The following ANKMY2 variants were observed in gnomAD, a reference collection of about 807,000 sequenced individuals.
ANKMY2 encodes the protein ankyrin repeat and MYND domain-containing protein 2.
In ANKMY2, 36 loss-of-function variants were observed where a neutral mutation model predicts 50.4. The observed-to-expected ratio is 0.71, with a 90% CI of 0.55 to 0.94. The LOEUF (loss-of-function observed/expected upper bound fraction) is 0.94. Ranked by LOEUF, ANKMY2 falls within the 40% of genes least tolerant of loss-of-function variation. The pLI is 0.00. For synonymous variants in ANKMY2, 187 were observed against 178.8 expected (o/e 1.05, Z -0.36); for missense variants, 565 against 524.0 (o/e 1.08, Z -0.76).
intron 4 of ANKMY2, among the ~76,000 whole-genome samples, chr7:16,621,883 C>T (rs1017058010): frequency 1.3e-5 from 2 of 151,866 alleles, no homozygotes; most frequent in Admixed American, 6.6e-5. Flanking sequence ...GCAGGAGAAT[C>T]GTTTGAACCC....
intron 2 of ANKMY2, among the ~76,000 whole-genome samples, chr7:16,633,313 T>C (rs1172904449): frequency 6.6e-6 from 1 of 152,086 alleles, no homozygotes; most frequent in Non-Finnish European, 1.5e-5. Flanking sequence ...TAAAATTTTT[T>C]ATTTCTGTTT....
At chr7:16,608,161 C>T (rs1366760216) in intron 7 of ANKMY2, among the ~76,000 whole-genome samples, 1 of 152,200 alleles carries the variant, frequency 6.6e-6, no homozygotes, top group African/African-American at 2.4e-5. Context: ...CAGACCTAGT[C>T]TGCCTACCTT....
chr7:16,603,574 C>A lies in ANKMY2; in HGVS notation c.1012-1065G>T, dbSNP rs1781105263. ...TGTATGCCAAGCACTGTGGTAGGCC[C>A]TTATACATATATTGTATTATTGGCC... On this transcript the variant is annotated intron_variant, in intron 8 of 9. Transcript: ENST00000306999. 4.0e-5 allele frequency: 19 copies of A among 470,736 alleles called. 1 individual carries two copies. Among genetic ancestry groups the A allele is most frequent in the South Asian group, 2.8e-4 (18 of 64,532 alleles). 29.2% of individuals were successfully genotyped at this position (470,736 alleles called of 1,614,324 possible). A position where few individuals can be genotyped will look rare whatever the true frequency, so the allele number is the denominator to read the frequency against.
At chr7:16,632,773 T>C (rs1444568777) in intron 2 of ANKMY2, among the ~76,000 whole-genome samples, 1 of 152,224 alleles carries the variant, frequency 6.6e-6, no homozygotes, top group African/African-American at 2.4e-5. Context: ...AGTATATATA[T>C]AGGATTTCTG....
At chr7:16,626,122 A>G (rs1334701217) in intron 3 of ANKMY2, among the ~76,000 whole-genome samples, 1 of 151,644 alleles carries the variant, frequency 6.6e-6, no homozygotes, top group Non-Finnish European at 1.5e-5. Flanking sequence ...CTGGCACCAC[A>G]GACGTGCGCC....
At chr7:16,629,656 T>C (rs1781552621) in intron 2 of ANKMY2, among the ~76,000 whole-genome samples, 2 of 152,198 alleles carry the variant, frequency 1.3e-5, no homozygotes. Context: ...TTAAGTGCTG[T>C]GGTAGATGGT....
At chr7:16,607,879 C>T (rs574263804) in intron 7 of ANKMY2, among the ~76,000 whole-genome samples, 25 of 143,658 alleles carry the variant, frequency 1.7e-4, no homozygotes, top group Non-Finnish European at 3.7e-4. Context: ...TTAGAAAAGC[C>T]AAAAAAAAAA....
chr7:16,636,765 A>C (rs1394414908), intron 1 of ANKMY2, among the ~76,000 whole-genome samples: 1 of 145,102 alleles, frequency 6.9e-6, no homozygotes, highest in African/African-American at 2.9e-5. Context: ...CTTAATACTG[A>C]AAAAAAATCT....
chr7:16,644,100 A>G (rs920101237), intron 1 of ANKMY2, among the ~76,000 whole-genome samples: 2 of 152,162 alleles, frequency 1.3e-5, no homozygotes. Flanking sequence ...TGGATTGTGA[A>G]TTGATCCTTT....
intron 2 of ANKMY2, among the ~76,000 whole-genome samples, chr7:16,635,419 T>G (rs1430897555): frequency 2.0e-5 from 3 of 152,158 alleles, no homozygotes; most frequent in African/African-American, 7.2e-5. Context: ...ATATCTACGT[T>G]ATCTTGATTA....
intron 5 of ANKMY2, among the ~76,000 whole-genome samples, chr7:16,614,129 A>G (rs749573040): frequency 4.6e-5 from 7 of 152,346 alleles, no homozygotes; most frequent in Non-Finnish European, 1.0e-4. Context: ...GTACCCTGAC[A>G]GAAACCTGTC....
intron 7 of ANKMY2, among the ~76,000 whole-genome samples, chr7:16,605,133 A>C (rs1421351261): frequency 6.6e-6 from 1 of 152,256 alleles, no homozygotes; most frequent in African/African-American, 2.4e-5. Flanking sequence ...AGGATAATTC[A>C]GTAAGCCCAT....
rs781519840 is a variant in ANKMY2, at chr7:16,625,036, G to T, written c.317C>A (p.Thr106Lys). 4 of 1,613,910 alleles carry T rather than the reference G, an allele frequency of 2.5e-6. No homozygotes were observed. Among genetic ancestry groups the T allele is most frequent in the Non-Finnish European group, 3.4e-6 (4 of 1,179,976 alleles). The change falls in exon 4 of 10, where the codon ACA (threonine) becomes AAA (lysine). Residue 106 changes from threonine to lysine, a missense_variant. Physicochemically the swap from Thr to Lys is moderately conservative, Grantham distance 78. Coordinates refer to ENST00000306999, the MANE Select transcript of ANKMY2 (RefSeq NM_020319.3). ...TCTTCCCACAGAGTTGACAACATCT[G>T]TCTCAGCACCAGCTTCTAACATTAC... ...TWVMLEAGAE[T>K]DVVNSVGRTA...
At chr7:16,641,367 T>C (rs1182082520) in intron 1 of ANKMY2, among the ~76,000 whole-genome samples, 1 of 152,240 alleles carries the variant, frequency 6.6e-6, no homozygotes, top group Non-Finnish European at 1.5e-5. Context: ...AAAAAAATGA[T>C]CTTAAATTAG....
At chr7:16,605,713 C>T (rs1368879749) in intron 7 of ANKMY2, among the ~76,000 whole-genome samples, 7 of 137,550 alleles carry the variant, frequency 5.1e-5, no homozygotes, top group Admixed American at 2.3e-4. Context: ...GACGGAGCCT[C>T]GCTCTGTCGC....
chr7:16,621,011 G>A (rs1781427577), intron 4 of ANKMY2, among the ~76,000 whole-genome samples: 1 of 152,054 alleles, frequency 6.6e-6, no homozygotes, highest in Non-Finnish European at 1.5e-5. Context: ...ACAGGAAAAA[G>A]ACATGCCAAT....
At chr7:16,613,295 G>A (rs945677671) in intron 5 of ANKMY2, among the ~76,000 whole-genome samples, 3 of 152,110 alleles carry the variant, frequency 2.0e-5, no homozygotes, top group Admixed American at 6.5e-5. Context: ...GAGAATTTCC[G>A]AGGTTGTTTT....
chr7:16,613,520 G>T (rs556192656), intron 5 of ANKMY2, among the ~76,000 whole-genome samples: 2 of 152,058 alleles, frequency 1.3e-5, no homozygotes, highest in East Asian at 3.9e-4. Context: ...TCTGGAGGAA[G>T]GTATATAATA....
chr7:16,614,371 C>T (rs1217257073), intron 5 of ANKMY2, among the ~76,000 whole-genome samples: 2 of 152,160 alleles, frequency 1.3e-5, no homozygotes, highest in African/African-American at 4.8e-5. Flanking sequence ...TTGCCTCTGG[C>T]AGTTCTTCCA....
Sources: gnomAD v4.1 joint callset for allele counts (sites outside exome capture counted in the v4.1 genomes callset) on GRCh38, gnomAD v4.1.1 for gene constraint, MANE v1.5 for transcripts, NCBI Gene and HGNC (gene_info 2026-07-23, HGNC 2026-07-21) for gene names.